The following RGS7 variants were observed in gnomAD, a reference collection of about 807,000 sequenced individuals.
RGS7 encodes regulator of G protein signaling 7.
RGS7 carries 27 observed loss-of-function variants against 81.1 expected under a neutral mutation model. The ratio of observed to expected loss-of-function variants is 0.33; its 90% confidence interval spans 0.25 to 0.46. The LOEUF (loss-of-function observed/expected upper bound fraction) is 0.46, where lower values mean the gene tolerates loss of function less well. Ranked by LOEUF, RGS7 falls within the 20% of genes least tolerant of loss-of-function variation. The probability of loss-of-function intolerance (pLI) is 1.00; values close to 1 mark genes in which losing one functional copy is unlikely to be tolerated. For missense variants in RGS7, 396 were observed against 607.4 expected (o/e 0.65, Z 3.66); for synonymous variants, 208 against 207.7 (o/e 1.00, Z -0.01).
At chr1:240,895,198 T>C (rs1226863439) in intron 6 of RGS7, among the ~76,000 whole-genome samples, 3 of 152,210 alleles carry the variant, frequency 2.0e-5, no homozygotes, top group Non-Finnish European at 4.4e-5. Context: ...GCCAAGAAGA[T>C]GCCAGCACGA....
intron 18 of RGS7, 31 bp downstream of exon 18, chr1:240,800,610 C>A: frequency 7.2e-7 from 1 of 1,381,470 alleles, no homozygotes. Flanking sequence ...ACAATGCAGA[C>A]AAACTTGAGT....
At chr1:240,933,123 C>A (rs1289124678) in intron 5 of RGS7, among the ~76,000 whole-genome samples, 2 of 151,274 alleles carry the variant, frequency 1.3e-5, no homozygotes, top group African/African-American at 4.9e-5. Context: ...ACCTCGTGAT[C>A]TGCCCCCCTC....
At chr1:240,929,946 A>G (rs1169965037) in intron 6 of RGS7, among the ~76,000 whole-genome samples, 1 of 152,186 alleles carries the variant, frequency 6.6e-6, no homozygotes, top group African/African-American at 2.4e-5. Flanking sequence ...GAGCTACCCA[A>G]TGGTGTCAAT....
At chr1:240,822,058 TG>T (rs1162532925) in intron 10 of RGS7, among the ~76,000 whole-genome samples, 5 of 152,308 alleles carry the variant, frequency 3.3e-5, no homozygotes, top group Non-Finnish European at 5.9e-5. Context: ...GATGTTTCTT[TG>T]ATGGTGTTTA....
intron 3 of RGS7, among the ~76,000 whole-genome samples, chr1:241,015,248 G>A (rs1255937441): frequency 6.6e-6 from 1 of 152,112 alleles, no homozygotes; most frequent in Non-Finnish European, 1.5e-5. Context: ...TATTGTACCC[G>A]AAATTTCAAG....
At chr1:241,285,166 G>A (rs530025897) in intron 2 of RGS7, among the ~76,000 whole-genome samples, 17 of 152,242 alleles carry the variant, frequency 1.1e-4, no homozygotes, top group South Asian at 4.1e-4. Flanking sequence ...CACCGCGCCC[G>A]GCCAAGTATC....
At position 240,903,465 on chromosome 1, in the gene RGS7, C is replaced by G. The variant is rs1441569595; in HGVS notation, c.385+27252G>C. ...CGTCACTTAAGGGTTATTGCCTATTCATTAGTGGGAAGAATAATATATTTA... is the reference window on the plus strand; with the variant it reads ...CGTCACTTAAGGGTTATTGCCTATTGATTAGTGGGAAGAATAATATATTTA... On this transcript the variant is annotated intron_variant, in intron 6 of 18. Transcript: ENST00000440928. Among the ~76,000 whole-genome samples, 4 of 151,894 alleles carry G rather than the reference C, an allele frequency of 2.6e-5. No homozygotes were observed. In the East Asian group the frequency reaches 7.7e-4, roughly 29 times the overall value.
intron 3 of RGS7, among the ~76,000 whole-genome samples, chr1:241,018,174 G>A (rs1470857931): frequency 1.7e-4 from 23 of 139,060 alleles, no homozygotes; most frequent in Admixed American, 5.2e-4. Context: ...TAGTAGACAC[G>A]GTGTTTTATC....
chr1:241,077,689 G>A (rs1187327273), intron 3 of RGS7, among the ~76,000 whole-genome samples: 1 of 152,166 alleles, frequency 6.6e-6, no homozygotes, highest in African/African-American at 2.4e-5. Flanking sequence ...AGCTCTGTGC[G>A]CTGTTTGCCT....
chr1:241,351,873 A>G (rs1370741072), intron 2 of RGS7, among the ~76,000 whole-genome samples: 1 of 152,240 alleles, frequency 6.6e-6, no homozygotes, highest in Non-Finnish European at 1.5e-5. Flanking sequence ...AGCATAAATG[A>G]TAGCTGCAAT....
chr1:240,933,578 TAC>T, intron 5 of RGS7, among the ~76,000 whole-genome samples: 1 of 151,200 alleles, frequency 6.6e-6, no homozygotes, highest in South Asian at 2.1e-4. Flanking sequence ...AACAAACTCT[TAC>T]AGTTTTTTTT....
At chr1:241,177,087 C>T (rs1474527197) in intron 2 of RGS7, among the ~76,000 whole-genome samples, 1 of 152,152 alleles carries the variant, frequency 6.6e-6, no homozygotes, top group Non-Finnish European at 1.5e-5. Flanking sequence ...TGAACAAGTG[C>T]CCTGCCCTCA....
At chr1:241,085,511 G>A (rs750912618) in intron 3 of RGS7, among the ~76,000 whole-genome samples, 8 of 152,062 alleles carry the variant, frequency 5.3e-5, no homozygotes, top group Non-Finnish European at 1.2e-4. Flanking sequence ...TGCAACCTCC[G>A]CCTCCCAGGG....
intron 3 of RGS7, among the ~76,000 whole-genome samples, chr1:241,087,334 AAATT>A (rs2148913593): frequency 6.6e-6 from 1 of 152,362 alleles, no homozygotes; most frequent in Non-Finnish European, 1.5e-5. Context: ...AGGGCAAAAA[AAATT>A]AACAAAAGGT....
chr1:241,302,151 C>T (rs1005010881), intron 2 of RGS7, among the ~76,000 whole-genome samples: 3 of 152,160 alleles, frequency 2.0e-5, no homozygotes, highest in East Asian at 3.8e-4. Flanking sequence ...CAGCAGCCAG[C>T]GTAGAGGCCC....
chr1:240,806,867 A>G (rs1380572422), intron 14 of RGS7, among the ~76,000 whole-genome samples: 2 of 152,210 alleles, frequency 1.3e-5, no homozygotes, highest in Non-Finnish European at 2.9e-5. Context: ...GGGAATTACA[A>G]AGAAGCTTTG....
intron 2 of RGS7, among the ~76,000 whole-genome samples, chr1:241,321,417 G>A (rs1329070260): frequency 6.6e-6 from 1 of 152,064 alleles, no homozygotes; most frequent in East Asian, 1.9e-4. Flanking sequence ...ATTCAAACTC[G>A]ATCCCCCTTC....
chr1:241,149,389 T>A (rs2068586989), intron 2 of RGS7, among the ~76,000 whole-genome samples: 1 of 152,126 alleles, frequency 6.6e-6, no homozygotes, highest in Non-Finnish European at 1.5e-5. Context: ...ACTCCTGAGC[T>A]CAGGTGATCT....
At chr1:241,114,597 G>A (rs558842092) in intron 2 of RGS7, among the ~76,000 whole-genome samples, 1 of 152,238 alleles carries the variant, frequency 6.6e-6, no homozygotes, top group South Asian at 2.1e-4. Context: ...TCTCCTTCCA[G>A]TTCTAATATT....
Sources: allele counts gnomAD v4.1 joint callset (sites outside exome capture counted in the v4.1 genomes callset), GRCh38; gene constraint gnomAD v4.1.1; transcripts MANE v1.5; gene names NCBI Gene and HGNC (gene_info 2026-07-23, HGNC 2026-07-21).